The following DTWD2 variants were observed in gnomAD, a reference collection of about 807,000 sequenced individuals.
The protein encoded by DTWD2 is DTW motif tRNA-uridine aminocarboxypropyltransferase 2.
Under a neutral mutation model 31.8 loss-of-function variants are expected in DTWD2, and 39 were observed. The observed-to-expected ratio is 1.22, with a 90% CI of 0.95 to 1.60. The LOEUF (loss-of-function observed/expected upper bound fraction) is 1.60. Ranked by LOEUF, DTWD2 falls within the 40% of genes most tolerant of loss-of-function variation. DTWD2 has a pLI of 0.00. For synonymous variants in DTWD2, 180 were observed against 142.8 expected (o/e 1.26, Z -1.86); for missense variants, 515 against 381.5 (o/e 1.35, Z -2.92).
intron 4 of DTWD2, among the ~76,000 whole-genome samples, chr5:118,897,652 G>C (rs1034691147): frequency 6.6e-6 from 1 of 152,104 alleles, no homozygotes; most frequent in Non-Finnish European, 1.5e-5. Flanking sequence ...TGCAACAATA[G>C]CCACACATCA....
chr5:118,942,483 A>G (rs1253949803), intron 2 of DTWD2, among the ~76,000 whole-genome samples: 1 of 152,118 alleles, frequency 6.6e-6, no homozygotes, highest in African/African-American at 2.4e-5. Flanking sequence ...AATAATGGTC[A>G]AAAATAAATT....
intron 4 of DTWD2, among the ~76,000 whole-genome samples, chr5:118,913,374 A>G (rs1753501394): frequency 6.7e-6 from 1 of 148,440 alleles, no homozygotes; most frequent in Non-Finnish European, 1.5e-5. Context: ...TCAAGCTTCC[A>G]TAATCACATG....
At chr5:118,905,740 C>G (rs902343960) in intron 4 of DTWD2, among the ~76,000 whole-genome samples, 1 of 152,042 alleles carries the variant, frequency 6.6e-6, no homozygotes, top group Non-Finnish European at 1.5e-5. Flanking sequence ...ATAAATATGG[C>G]TTTGCTAACC....
chr5:118,897,436 G>A (rs1180544531), intron 4 of DTWD2, among the ~76,000 whole-genome samples: 2 of 152,190 alleles, frequency 1.3e-5, no homozygotes, highest in African/African-American at 4.8e-5. Context: ...GAAAACTGGT[G>A]TTCATATACA....
chr5:118,882,802 TG>T (rs1392816952), intron 4 of DTWD2, among the ~76,000 whole-genome samples: 1 of 152,230 alleles, frequency 6.6e-6, no homozygotes, highest in African/African-American at 2.4e-5. Flanking sequence ...AGCAGGGCCC[TG>T]GGGCCAGCCC....
chr5:118,967,479 A>AT (rs1308346269), intron 1 of DTWD2, among the ~76,000 whole-genome samples: 3 of 152,192 alleles, frequency 2.0e-5, no homozygotes, highest in African/African-American at 7.2e-5. Flanking sequence ...GGCAGGGAAA[A>AT]TATAAGATAA....
Position 118,841,136 on chromosome 5 carries a change from T to C in DTWD2, c.727-49A>G, listed in dbSNP as rs778021491. ...AAAAAGTATCTGTGACAAATCATGATATTCTATCTATATTTTTCATTCAGA... is the reference window on the plus strand; with the variant it reads ...AAAAAGTATCTGTGACAAATCATGACATTCTATCTATATTTTTCATTCAGA... On this transcript the variant is annotated intron_variant, in intron 5 of 5. Coordinates refer to ENST00000510708, the MANE Select transcript of DTWD2 (RefSeq NM_173666.4). The C allele has an allele frequency of 1.9e-6, 3 of 1,549,484 alleles. No homozygotes were observed. In the Admixed American group the frequency reaches 6.0e-5, roughly 31 times the overall value.
chr5:118,948,367 G>C (rs1430284857), intron 1 of DTWD2, among the ~76,000 whole-genome samples: 1 of 152,094 alleles, frequency 6.6e-6, no homozygotes, highest in Non-Finnish European at 1.5e-5. Flanking sequence ...TGTAGTCCCA[G>C]CTACTTGGGA....
intron 4 of DTWD2, among the ~76,000 whole-genome samples, chr5:118,851,009 G>A (rs994946322): frequency 7.2e-5 from 11 of 152,084 alleles, no homozygotes; most frequent in Non-Finnish European, 1.3e-4. Flanking sequence ...CACTTTCGGA[G>A]GCCGAGGTGG....
At chr5:118,915,435 C>A (rs907383959) in intron 4 of DTWD2, among the ~76,000 whole-genome samples, 3 of 148,930 alleles carry the variant, frequency 2.0e-5, no homozygotes, top group African/African-American at 7.5e-5. Flanking sequence ...AGTGCAGTGG[C>A]GCAATCTCGG....
intron 4 of DTWD2, among the ~76,000 whole-genome samples, chr5:118,915,525 C>T (rs565596466): frequency 6.6e-6 from 1 of 152,210 alleles, no homozygotes; most frequent in East Asian, 1.9e-4. Context: ...CAGGCGCACA[C>T]CACCACACCT....
chr5:118,853,772 G>A (rs962953981), intron 4 of DTWD2, among the ~76,000 whole-genome samples: 9 of 152,044 alleles, frequency 5.9e-5, no homozygotes, highest in African/African-American at 2.2e-4. Context: ...CTACGTATTG[G>A]GTACTATGCT....
At chr5:118,887,958 T>A (rs1752902461) in intron 4 of DTWD2, among the ~76,000 whole-genome samples, 1 of 152,196 alleles carries the variant, frequency 6.6e-6, no homozygotes, top group South Asian at 2.1e-4. Context: ...GGTGTCTTAA[T>A]GCAACCCTTA....
At chr5:118,947,893 T>C (rs376930124) in intron 1 of DTWD2, among the ~76,000 whole-genome samples, 4 of 152,298 alleles carry the variant, frequency 2.6e-5, no homozygotes, top group African/African-American at 9.6e-5. Flanking sequence ...TGTGATACTA[T>C]TGAGGAACTT....
At chr5:118,930,547 A>G (rs1580416511) in intron 3 of DTWD2, among the ~76,000 whole-genome samples, 1 of 152,308 alleles carries the variant, frequency 6.6e-6, no homozygotes, top group Admixed American at 6.5e-5. Context: ...AGAGGAAAAA[A>G]AAAGAAAAGT....
At chr5:118,862,848 C>T (rs891802101) in intron 4 of DTWD2, among the ~76,000 whole-genome samples, 1 of 152,204 alleles carries the variant, frequency 6.6e-6, no homozygotes, top group South Asian at 2.1e-4. Flanking sequence ...ATCATATGAG[C>T]CAATTTTGGT....
chr5:118,913,693 A>C (rs907500548), intron 4 of DTWD2, among the ~76,000 whole-genome samples: 7 of 151,952 alleles, frequency 4.6e-5, no homozygotes, highest in African/African-American at 1.7e-4. Context: ...GTAAGTCATA[A>C]AAACTGGGAA....
At chr5:118,901,424 T>C (rs1367861284) in intron 4 of DTWD2, among the ~76,000 whole-genome samples, 1 of 152,204 alleles carries the variant, frequency 6.6e-6, no homozygotes, top group Non-Finnish European at 1.5e-5. Context: ...ATTTCATTTT[T>C]AAAAATTTGA....
chr5:118,916,413 C>G (rs911378412), intron 4 of DTWD2, among the ~76,000 whole-genome samples: 1 of 152,054 alleles, frequency 6.6e-6, no homozygotes, highest in Non-Finnish European at 1.5e-5. Flanking sequence ...TGTCTGTGAT[C>G]CCAGCACTTT....
Sources: gnomAD v4.1 joint callset for allele counts (sites outside exome capture counted in the v4.1 genomes callset) on GRCh38, gnomAD v4.1.1 for gene constraint, MANE v1.5 for transcripts, NCBI Gene and HGNC (gene_info 2026-07-23, HGNC 2026-07-21) for gene names.